EMC3: variants seen among roughly 807,000 people sequenced by gnomAD.
EMC3 encodes ER membrane protein complex subunit 3, also known as 30 kDa protein.
EMC3 carries 13 observed loss-of-function variants against 36.6 expected under a neutral mutation model. That is an observed-to-expected ratio of 0.35 (90% confidence interval 0.23 to 0.56). The LOEUF (loss-of-function observed/expected upper bound fraction) is 0.56. Among genes scored for constraint, EMC3 ranks in the 20% least tolerant of loss-of-function variants. The pLI, the probability that EMC3 is intolerant of heterozygous loss-of-function variation, is 0.84. For missense variants in EMC3, 220 were observed against 324.5 expected, an observed-to-expected ratio of 0.68 and a Z score of 2.47; for synonymous variants, 120 against 111.9, an observed-to-expected ratio of 1.07 and a Z score of -0.46.
chr3:9,998,366 A>AAAT (rs35879571), intron 1 of EMC3, among the ~76,000 whole-genome samples: 38,821 of 137,116 alleles, frequency 0.28, 5,728 homozygotes, highest in East Asian at 0.47. Context: ...ACTCTGTCTC[A>AAAT]AATAATAATA....
rs376485570 is a variant in EMC3 at position 9,972,777 on chromosome 3, C to G, written c.494+851G>C. 1.2e-4 allele frequency among the ~76,000 whole-genome samples: 18 copies of G among 151,296 alleles called. No individual in the cohort carries two copies. In the East Asian group the frequency reaches 2.9e-3, roughly 25 times the overall value. ...GAGACTCCGTCTTGAAAAAAAAAACCCAAAAAACTTTAAAAACTGATTCCA... is the reference window on the plus strand; with the variant it reads ...GAGACTCCGTCTTGAAAAAAAAAACGCAAAAAACTTTAAAAACTGATTCCA... On this transcript the variant is annotated intron_variant, in intron 5 of 7. Transcript: ENST00000245046.
intron 7 of EMC3, among the ~76,000 whole-genome samples, chr3:9,967,058 G>GC (rs1442279517): frequency 1.3e-5 from 2 of 151,946 alleles, no homozygotes; most frequent in African/African-American, 2.4e-5. Context: ...ACTCCCCACT[G>GC]CCCCCCATCC....
intron 1 of EMC3, chr3:10,003,451 C>T (rs2086228364): frequency 8.4e-6 from 3 of 357,048 alleles, no homozygotes; most frequent in African/African-American, 2.1e-5. Context: ...ATAGTCACTA[C>T]ACTTAGAGTA....
At chr3:9,973,032 G>T (rs898617678) in intron 5 of EMC3, among the ~76,000 whole-genome samples, 1 of 151,426 alleles carries the variant, frequency 6.6e-6, no homozygotes, top group Non-Finnish European at 1.5e-5. Context: ...GTTTCACAGT[G>T]TTAGCCAGGA....
chr3:9,974,277 G>C, intron 4 of EMC3, 107 bp downstream of exon 4: 1 of 747,434 alleles, frequency 1.3e-6, no homozygotes, highest in East Asian at 2.6e-5. Flanking sequence ...TTTTGTTCAA[G>C]GACTATTATC....
At chr3:9,968,362 C>CT (rs1298774234) in intron 7 of EMC3, among the ~76,000 whole-genome samples, 6 of 152,334 alleles carry the variant, frequency 3.9e-5, no homozygotes, top group African/African-American at 1.2e-4. Flanking sequence ...TTTATTAGCT[C>CT]TGTTAGTTTT....
chr3:9,999,334 C>T (rs557670773), intron 1 of EMC3, among the ~76,000 whole-genome samples: 8 of 151,554 alleles, frequency 5.3e-5, no homozygotes, highest in South Asian at 2.1e-4. Flanking sequence ...CTCTACCTTG[C>T]GGGTTCAGAC....
chr3:9,972,533 G>A (rs1327705036), intron 5 of EMC3, among the ~76,000 whole-genome samples: 1 of 150,816 alleles, frequency 6.6e-6, no homozygotes, highest in Non-Finnish European at 1.5e-5. Flanking sequence ...CACTATGGGA[G>A]GCTGAGGCAG....
upstream of EMC3, among the ~76,000 whole-genome samples, chr3:9,991,293 C>T (rs2086048784): frequency 6.6e-6 from 1 of 152,054 alleles, no homozygotes; most frequent in Non-Finnish European, 1.5e-5. Flanking sequence ...CTTAGGTAAA[C>T]AAGCTAATTG....
intron 1 of EMC3, chr3:10,003,700 A>G (rs147044173): frequency 2.4e-4 from 45 of 184,466 alleles, no homozygotes; most frequent in South Asian, 1.1e-3. Flanking sequence ...TGTCACTTCA[A>G]TATTGTACGG....
upstream of EMC3, among the ~76,000 whole-genome samples, chr3:9,989,035 C>T (rs1183950785): frequency 6.6e-6 from 1 of 152,026 alleles, no homozygotes; most frequent in African/African-American, 2.4e-5. Flanking sequence ...AAGCCAGGTC[C>T]CCACTGATGA....
At position 9,981,950 on chromosome 3, in the gene EMC3, T is replaced by A. The variant is rs62753760; in HGVS notation, c.156-4504A>T. Among the ~76,000 whole-genome samples the A allele has an allele frequency of 2.2e-3, 197 of 88,988 alleles. 1 individual carries two copies. Among genetic ancestry groups the A allele is most frequent in the East Asian group, 0.016 (58 of 3,676 alleles). The allele number at this position is 88,988 out of a possible 152,430, so 58.4% of individuals were successfully genotyped here. ...TTGGTTTAATACCTGTTAAAAAAAA[T>A]TTTTTTTTTTTTTGAGACATTGTCT... On this transcript the variant is annotated intron_variant, in intron 1 of 7. Coordinates refer to ENST00000245046, the MANE Select transcript of EMC3 (RefSeq NM_001394674.1).
Position 10,006,193 on chromosome 3 carries a change from G to A in EMC3, c.-242+4830C>T, listed in dbSNP as rs374049125. ...AAAACCATCCCAGGAAGCCAGCATC[G>A]TCCAAGCTGAGAAGTCCAAGCTGAG... On this transcript the variant is annotated intron_variant, in intron 1 of 8. Transcript: ENST00000470827. Among the ~76,000 whole-genome samples the A allele has an allele frequency of 1.2e-4, 18 of 152,226 alleles. 1 individual carries two copies. The East Asian group carries it at 1.7e-3, about 15-fold the overall frequency.
intron 1 of EMC3, among the ~76,000 whole-genome samples, chr3:9,993,834 T>C (rs1388203073): frequency 6.6e-6 from 1 of 152,208 alleles, no homozygotes; most frequent in Admixed American, 6.5e-5. Context: ...CTTCAAATTA[T>C]AACCAAGGTG....
intron 7 of EMC3, among the ~76,000 whole-genome samples, chr3:9,965,180 G>A (rs1166559812): frequency 6.6e-6 from 1 of 151,980 alleles, no homozygotes; most frequent in East Asian, 1.9e-4. Flanking sequence ...GCCAAGGCAG[G>A]AGGATCACTT....
intron 5 of EMC3, among the ~76,000 whole-genome samples, chr3:9,972,669 C>A (rs917586693): frequency 6.6e-6 from 1 of 150,816 alleles, no homozygotes; most frequent in Non-Finnish European, 1.5e-5. Context: ...ACTCGGGAGG[C>A]TGAGGCAGGA....
upstream of EMC3, chr3:9,987,372 C>CAGAG: frequency 1.1e-6 from 1 of 898,878 alleles, no homozygotes; most frequent in Non-Finnish European, 1.3e-6. Context: ...CTCCGCGCCC[C>CAGAG]AAGCCTCGGC....
intron 3 of EMC3, among the ~76,000 whole-genome samples, chr3:9,975,814 A>AG (rs1491491206): frequency 2.0e-5 from 2 of 101,046 alleles, no homozygotes; most frequent in African/African-American, 1.3e-4. Flanking sequence ...TCCTTTCTGA[A>AG]GAAAAAAAAA....
chr3:9,973,479 C>G (rs1348453832), intron 5 of EMC3, 149 bp downstream of exon 5: 6 of 656,602 alleles, frequency 9.1e-6, no homozygotes, highest in Non-Finnish European at 1.1e-5. Flanking sequence ...CAGTCGTGAG[C>G]CACTGCGCCC....
Sources: gnomAD v4.1 joint callset for allele counts (sites outside exome capture counted in the v4.1 genomes callset) on GRCh38, gnomAD v4.1.1 for gene constraint, MANE v1.5 for transcripts, NCBI Gene and HGNC (gene_info 2026-07-23, HGNC 2026-07-21) for gene names.